The following CENPV variants were observed in gnomAD, a reference collection of about 807,000 sequenced individuals.
CENPV encodes the protein nuclear protein p30.
CENPV carries 15 observed loss-of-function variants against 26.4 expected under a neutral mutation model. The ratio of observed to expected loss-of-function variants is 0.57; its 90% CI spans 0.38 to 0.88. The LOEUF (loss-of-function observed/expected upper bound fraction) is 0.88. Ranked by LOEUF, CENPV falls within the 40% of genes least tolerant of loss-of-function variation. The probability of loss-of-function intolerance (pLI) is 0.00; values close to 1 mark genes in which losing one functional copy is unlikely to be tolerated. For missense variants in CENPV, 336 were observed against 376.5 expected (o/e 0.89, Z 0.89); for synonymous variants, 172 against 165.5 (o/e 1.04, Z -0.30).
Position 16,348,663 on chromosome 17 carries a change from G to A in CENPV, c.532C>T (p.Gln178Ter), listed in dbSNP as rs1332924381. 1 of 1,614,028 alleles carries A rather than the reference G, an allele frequency of 6.2e-7. No homozygotes were observed. The highest frequency in any genetic ancestry group is 8.5e-7 in the Non-Finnish European group (1 of 1,179,928). ...DCNCSICKKK[Q>*]NRHFIVPASR... ...GCTGGAACAATGAAGTGTCTATTCTGCTTCTTCTTGCAAATGCTGCAACTA... is the reference window on the plus strand; with the variant it reads ...GCTGGAACAATGAAGTGTCTATTCTACTTCTTCTTGCAAATGCTGCAACTA... Residue 178 changes from glutamine to a stop codon, truncating the protein, a stop_gained, in exon 3 of 5, where the codon CAG becomes TAG. Transcript: ENST00000299736. LOFTEE classifies it high-confidence loss of function.
Position 16,342,777 on chromosome 17 carries a change from C to T in CENPV, c.*40G>A, listed in dbSNP as rs1208896280. On this transcript the variant is annotated 3_prime_UTR_variant, in exon 5 of 5. Coordinates refer to ENST00000299736, the MANE Select transcript of CENPV (RefSeq NM_181716.3). ...CGGCAGGGAGAGCAAAGTTGCTGGC[C>T]CCAATCATTCCTCCTTTTCAGGGCA... is the stretch of plus-strand genomic sequence containing the variant. 5 of 1,612,874 alleles carry T rather than the reference C, an allele frequency of 3.1e-6. No homozygotes were observed. The highest frequency in any genetic ancestry group is 1.1e-5 in the South Asian group (1 of 90,990).
intron 1 of CENPV, among the ~76,000 whole-genome samples, chr17:16,352,698 C>A (rs2093233180): frequency 6.6e-6 from 1 of 152,150 alleles, no homozygotes; most frequent in South Asian, 2.1e-4. Flanking sequence ...ACACCCTTTG[C>A]GCGCCAGCAA....
At chr17:16,345,335 G>A (rs926529933) in intron 3 of CENPV, among the ~76,000 whole-genome samples, 2 of 145,928 alleles carry the variant, frequency 1.4e-5, no homozygotes, top group Non-Finnish European at 1.5e-5. Flanking sequence ...CTTTGAGGCC[G>A]AGGCAGGCGG....
At position 16,342,678 on chromosome 17, in the gene CENPV, G is replaced by C. The variant is rs1001724331; in HGVS notation, c.*139C>G. 3.2e-6 allele frequency: 3 copies of C among 946,026 alleles called. No homozygotes were observed. Among genetic ancestry groups the C allele is most frequent in the Non-Finnish European group, 1.6e-6 (1 of 620,512 alleles). 58.6% of individuals were successfully genotyped at this position (946,026 alleles called of 1,614,324 possible). A position where few individuals can be genotyped will look rare whatever the true frequency, so the allele number is the denominator to read the frequency against. Reference sequence around the variant, plus strand: ...AAGAAACTGGTAGCTGGAGCAAACTGCAGAGATCAAGATGACCCTAGTCAA... The same window carrying C: ...AAGAAACTGGTAGCTGGAGCAAACTCCAGAGATCAAGATGACCCTAGTCAA... On this transcript the variant is annotated 3_prime_UTR_variant, in exon 5 of 5. Transcript: ENST00000299736.
chr17:16,353,218 C>A lies in CENPV; in HGVS notation c.219G>T (p.Glu73Asp). 7.2e-7 allele frequency: 1 copy of A among 1,385,574 alleles called. No individual in the cohort carries two copies. Among genetic ancestry groups the A allele is most frequent in the South Asian group, 1.6e-5 (1 of 61,222 alleles). The allele number at this position is 1,385,574 out of a possible 1,614,324, so 85.8% of individuals were successfully genotyped here. ...LRRSSPRAQE[E>D]GPGEPPPPEL... ...CAGGCGGCGGCGGCTCCCCCGGGCC[C>A]TCCTCCTGGGCCCGCGGCGACGAGC... Residue 73 changes from glutamate (E) to aspartate (D), a missense_variant, in exon 1 of 5, where the codon GAG (glutamate) becomes GAT (aspartate). Glu to Asp is a conservative substitution (Grantham distance 45). Coordinates refer to ENST00000299736, the MANE Select transcript of CENPV (RefSeq NM_181716.3).
At position 16,344,575 on chromosome 17, in the gene CENPV, G is replaced by A. The variant is rs201273398; in HGVS notation, c.694+22C>T. On this transcript the variant is annotated intron_variant, in intron 4 of 4. Coordinates refer to ENST00000299736, the MANE Select transcript of CENPV (RefSeq NM_181716.3). ...GGCCTCTCTGTGTCCCCCTGAGCTT[G>A]CAGTCCATCCCCTTTACTCACCGAA... 1.1e-5 allele frequency: 15 copies of A among 1,420,832 alleles called. No homozygotes were observed. In the East Asian group the frequency reaches 3.7e-4, roughly 35 times the overall value. 88.0% of individuals were successfully genotyped at this position (1,420,832 alleles called of 1,614,324 possible). A position where few individuals can be genotyped will look rare whatever the true frequency, so the allele number is the denominator to read the frequency against.
intron 1 of CENPV, chr17:16,351,751 T>G (rs572931491): frequency 4.1e-4 from 62 of 152,346 alleles, no homozygotes; most frequent in African/African-American, 1.5e-3. Context: ...ATTTTAAAAC[T>G]TTTTCTTGAC....
At chr17:16,349,245 A>T (rs930308344) in intron 2 of CENPV, 1 of 987,558 alleles carries the variant, frequency 1.0e-6, no homozygotes, top group Non-Finnish European at 1.2e-6. Context: ...CTTCTTTTCC[A>T]ATCTGGACTC....
chr17:16,353,451 GGCGCGCAGGCC>G lies in CENPV; in HGVS notation c.-26_-16del. 1 of 1,113,480 alleles carries G rather than the reference GGCGCGCAGGCC, an allele frequency of 9.0e-7. No homozygotes were observed. 69.0% of individuals were successfully genotyped at this position (1,113,480 alleles called of 1,614,324 possible). A position where few individuals can be genotyped will look rare whatever the true frequency, so the allele number is the denominator to read the frequency against. ...GATCGCCGCATGGCTCCCGCAGCCT[GGCGCGCAGGCC>G]TCGCAGCGCGGCGCGCCCCCGCCGG... is the stretch of plus-strand genomic sequence containing the variant. On this transcript the variant is annotated 5_prime_UTR_variant, in exon 1 of 5. Coordinates refer to ENST00000299736, the MANE Select transcript of CENPV (RefSeq NM_181716.3).
chr17:16,349,674 G>A, intron 2 of CENPV: 2 of 1,244,674 alleles, frequency 1.6e-6, no homozygotes, highest in Non-Finnish European at 1.0e-6. Flanking sequence ...CAGTCTGAGG[G>A]TGATGCTGCC....
At chr17:16,352,927 T>G in intron 1 of CENPV, 100 bp downstream of exon 1, 1 of 1,381,628 alleles carries the variant, frequency 7.2e-7, no homozygotes. Context: ...GGCTCAGAGC[T>G]GAAAGGCGCC....
At chr17:16,344,762 TTTAA>T (rs764903017) in intron 3 of CENPV, 51 bp from the exon 4 acceptor site, 3 of 965,564 alleles carry the variant, frequency 3.1e-6, no homozygotes, top group South Asian at 3.6e-5. Context: ...GATTTATTTA[TTTAA>T]TTTATTTATT....
In CENPV at chr17:16,344,672, TGTGA is replaced by T; in HGVS notation, c.615_618del (p.His206LysfsTer54). 6.2e-7 allele frequency: 1 copy of T among 1,600,092 alleles called. No homozygotes were observed. Among genetic ancestry groups the T allele is most frequent in the Non-Finnish European group, 8.5e-7 (1 of 1,173,742 alleles). ...CTCTTACAGAAGGTATGCTGGGCTT[TGTGA>T]GTATTGAACGTGTAAGTCGTTATGT... is the stretch of plus-strand genomic sequence containing the variant. On this transcript the variant is annotated frameshift_variant, in exon 4 of 5. Transcript: ENST00000299736. LOFTEE classifies it high-confidence loss of function.
At chr17:16,345,924 T>C (rs924939249) in intron 3 of CENPV, among the ~76,000 whole-genome samples, 2 of 152,194 alleles carry the variant, frequency 1.3e-5, no homozygotes, top group Non-Finnish European at 1.5e-5. Context: ...TTGCCAGACG[T>C]CATAGACAGG....
intron 1 of CENPV, among the ~76,000 whole-genome samples, chr17:16,350,407 G>A (rs1461769057): frequency 1.3e-5 from 2 of 150,068 alleles, no homozygotes; most frequent in East Asian, 3.9e-4. Flanking sequence ...ACGGTGGCAC[G>A]ATCTTGGCTC....
chr17:16,343,020 C>T (rs1444637819), intron 4 of CENPV, 79 bp from the exon 5 acceptor site: 2 of 1,533,452 alleles, frequency 1.3e-6, no homozygotes, highest in East Asian at 2.3e-5. Context: ...TGGATAAGCC[C>T]CCACCTGCAG....
Position 16,344,682 on chromosome 17 carries a change from G to C in CENPV, c.609C>G (p.Phe203Leu). 1 of 1,598,556 alleles carries C rather than the reference G, an allele frequency of 6.3e-7. No individual in the cohort carries two copies. Among genetic ancestry groups the C allele is most frequent in the Non-Finnish European group, 8.5e-7 (1 of 1,173,050 alleles). The change falls in exon 4 of 5, where the codon TTC becomes TTG. Residue 203 changes from phenylalanine (F) to leucine (L), a missense_variant. This residue lies in a region of CENPV where 155 missense variants were observed against 227.8 expected (regional missense o/e 0.68). Coordinates refer to ENST00000299736, the MANE Select transcript of CENPV (RefSeq NM_181716.3). ...KGAEHITTYT[F>L]NTHKAQHTFC... The stretch of plus-strand genomic sequence containing the variant: ...AGGTATGCTGGGCTTTGTGAGTATT[G>C]AACGTGTAAGTCGTTATGTGCTCAG...
rs1208804525 is a variant in CENPV, at chr17:16,353,175, G to T, written c.262C>A (p.Pro88Thr). The change falls in exon 1 of 5, where the codon CCA becomes ACA. Residue 88 changes from proline (P) to threonine (T), a missense_variant. Around this residue, in one of 2 missense-constraint regions of CENPV, gnomAD observed 181 missense variants for 148.8 expected, o/e 1.22. Coordinates refer to ENST00000299736, the MANE Select transcript of CENPV (RefSeq NM_181716.3). ...GGAGTCGGCGGCGGCGGCGGCGGTG[G>T]CGGGAGCAACGCCAGCTCAGGCGGC... Reference protein sequence around the residue: ...PPPPELALLPPPPPPPPTPAT... With the variant: ...PPPPELALLPTPPPPPPTPAT... 2 of 1,422,478 alleles carry T rather than the reference G, an allele frequency of 1.4e-6. No individual in the cohort carries two copies. The highest frequency in any genetic ancestry group is 1.5e-5 in the African/African-American group (1 of 67,720). The allele number at this position is 1,422,478 out of a possible 1,614,324, so 88.1% of individuals were successfully genotyped here. A position where few individuals can be genotyped will look rare whatever the true frequency, so the allele number is the denominator to read the frequency against.
intron 1 of CENPV, among the ~76,000 whole-genome samples, chr17:16,352,757 T>C (rs1011236254): frequency 3.9e-5 from 6 of 152,152 alleles, no homozygotes; most frequent in Admixed American, 6.6e-5. Context: ...AGACTCTTTG[T>C]GTCCCAAGAC....
Sources: allele counts gnomAD v4.1 joint callset (sites outside exome capture counted in the v4.1 genomes callset), GRCh38; gene constraint gnomAD v4.1.1; regional missense constraint gnomAD v4.1.1; transcripts MANE v1.5; gene names NCBI Gene and HGNC (gene_info 2026-07-23, HGNC 2026-07-21).